The following OXCT1 variants were observed in gnomAD, a reference collection of about 807,000 sequenced individuals.
OXCT1 encodes succinyl-CoA:3-ketoacid coenzyme A transferase 1, mitochondrial.
In OXCT1, 27 loss-of-function variants were observed where a neutral mutation model predicts 69.6. That is an observed-to-expected ratio of 0.39 (90% CI 0.29 to 0.54). OXCT1 has a LOEUF of 0.54. Among genes scored for constraint, OXCT1 ranks in the 20% least tolerant of loss-of-function variants. OXCT1 has a pLI of 0.72. For missense variants in OXCT1, 437 were observed against 650.2 expected (o/e 0.67, Z 3.57); for synonymous variants, 202 against 217.8 (o/e 0.93, Z 0.64).
intron 11 of OXCT1, among the ~76,000 whole-genome samples, chr5:41,798,450 A>C (rs1239791297): frequency 6.6e-6 from 1 of 152,120 alleles, no homozygotes; most frequent in Admixed American, 6.6e-5. Flanking sequence ...GATGTTTATC[A>C]GCATCCCTGG....
intron 13 of OXCT1, among the ~76,000 whole-genome samples, chr5:41,791,961 C>T (rs1387421649): frequency 6.6e-6 from 1 of 152,132 alleles, no homozygotes; most frequent in Non-Finnish European, 1.5e-5. Flanking sequence ...TGCCACCACG[C>T]CCGGCTAATT....
intron 7 of OXCT1, among the ~76,000 whole-genome samples, chr5:41,814,307 T>C (rs1485927491): frequency 2.0e-5 from 3 of 152,122 alleles, no homozygotes; most frequent in Non-Finnish European, 4.4e-5. Context: ...TATCATAAAA[T>C]ACCTGGCCTA....
At chr5:41,759,793 T>C (rs908746342) in intron 14 of OXCT1, among the ~76,000 whole-genome samples, 2 of 152,024 alleles carry the variant, frequency 1.3e-5, no homozygotes, top group African/African-American at 4.8e-5. Context: ...GAAAACCAGT[T>C]AATAGCTCTA....
At chr5:41,767,844 C>T (rs1296713067) in intron 13 of OXCT1, among the ~76,000 whole-genome samples, 1 of 150,496 alleles carries the variant, frequency 6.6e-6, no homozygotes, top group Non-Finnish European at 1.5e-5. Flanking sequence ...CACTTAGGGG[C>T]TTCTATGGTC....
At chr5:41,825,434 A>G (rs1182364025) in intron 7 of OXCT1, among the ~76,000 whole-genome samples, 2 of 152,220 alleles carry the variant, frequency 1.3e-5, no homozygotes, top group Non-Finnish European at 2.9e-5. Context: ...TCCTAGTCTT[A>G]GGAACTGTTA....
intron 7 of OXCT1, among the ~76,000 whole-genome samples, chr5:41,830,567 A>C (rs1453708493): frequency 1.3e-5 from 2 of 152,336 alleles, no homozygotes; most frequent in East Asian, 3.9e-4. Context: ...AGTTCTTATA[A>C]ATATGCCTCC....
At chr5:41,808,265 C>T (rs1242519439) in intron 7 of OXCT1, among the ~76,000 whole-genome samples, 1 of 152,084 alleles carries the variant, frequency 6.6e-6, no homozygotes, top group Non-Finnish European at 1.5e-5. Context: ...CACAAACATA[C>T]ACACCTTTAA....
chr5:41,802,576 T>C (rs1246613597), intron 10 of OXCT1, among the ~76,000 whole-genome samples: 2 of 152,104 alleles, frequency 1.3e-5, no homozygotes, highest in Non-Finnish European at 2.9e-5. Context: ...GTCCCTGTCC[T>C]AAAGTAGAAA....
chr5:41,843,034 G>A (rs878890051), intron 5 of OXCT1, among the ~76,000 whole-genome samples: 1 of 152,176 alleles, frequency 6.6e-6, no homozygotes, highest in African/African-American at 2.4e-5. Context: ...TTGAGGAACT[G>A]AAAGTTCTAT....
At position 41,730,269 on chromosome 5, in the gene OXCT1, AG is replaced by A. The variant is rs1218196716; in HGVS notation, c.*1459del. ...ACTCTCATGGAACTTGCACATTCTA[AG>A]AAGGGTCATTTTTTCCCCCCAGTAC... On this transcript the variant is annotated 3_prime_UTR_variant, in exon 17 of 17. Transcript: ENST00000196371. 1.3e-5 allele frequency: 2 copies of A among 152,362 alleles called. No homozygotes were observed. Among genetic ancestry groups the A allele is most frequent in the African/African-American group, 4.8e-5 (2 of 41,592 alleles). 9.4% of individuals were successfully genotyped at this position (152,362 alleles called of 1,614,324 possible). A position where few individuals can be genotyped will look rare whatever the true frequency, so the allele number is the denominator to read the frequency against.
intron 10 of OXCT1, among the ~76,000 whole-genome samples, chr5:41,801,900 A>T (rs912625612): frequency 3.9e-5 from 6 of 152,148 alleles, no homozygotes; most frequent in African/African-American, 1.4e-4. Context: ...AATAAAAGGC[A>T]TACTATATAA....
intron 3 of OXCT1, among the ~76,000 whole-genome samples, chr5:41,856,601 C>A (rs1749440245): frequency 6.6e-6 from 1 of 152,132 alleles, no homozygotes; most frequent in Non-Finnish European, 1.5e-5. Flanking sequence ...ATGAACACTT[C>A]AAAGTGTCTA....
intron 16 of OXCT1, among the ~76,000 whole-genome samples, chr5:41,736,261 A>G (rs1205820226): frequency 6.6e-6 from 1 of 152,160 alleles, no homozygotes. Context: ...CCAGAAATAT[A>G]ATCAATATTT....
In OXCT1 at chr5:41,850,085, G is replaced by A; in HGVS notation, c.509C>T (p.Ser170Leu). ...GYGTLVQEGG[S>L]PIKYNKDGSV... Reference sequence around the variant, plus strand: ...GCCATCTTTGTTGTATTTGATGGGCGATCCTCCTTCTTGTACCAGGGTCCC... The same window carrying A: ...GCCATCTTTGTTGTATTTGATGGGCAATCCTCCTTCTTGTACCAGGGTCCC... The change falls in exon 5 of 17, where the codon TCG becomes TTG. Residue 170 changes from serine (S) to leucine (L), a missense_variant. This residue lies in a region of OXCT1 where 252 missense variants were observed against 397.4 expected (regional missense o/e 0.63). Coordinates refer to ENST00000196371, the MANE Select transcript of OXCT1 (RefSeq NM_000436.4). 8 of 1,613,940 alleles carry A rather than the reference G, an allele frequency of 5.0e-6. No individual in the cohort carries two copies. Among genetic ancestry groups the A allele is most frequent in the Non-Finnish European group, 6.8e-6 (8 of 1,179,906 alleles).
At chr5:41,856,877 G>T (rs1402450933) in intron 3 of OXCT1, among the ~76,000 whole-genome samples, 2 of 152,156 alleles carry the variant, frequency 1.3e-5, no homozygotes, top group Non-Finnish European at 2.9e-5. Context: ...TTCAAGGGCT[G>T]TCTTCCCATT....
chr5:41,790,123 C>T (rs1011266275), intron 13 of OXCT1, among the ~76,000 whole-genome samples: 1 of 152,194 alleles, frequency 6.6e-6, no homozygotes, highest in African/African-American at 2.4e-5. Flanking sequence ...TCAATCCTCT[C>T]CACATAGAGG....
intron 7 of OXCT1, among the ~76,000 whole-genome samples, chr5:41,832,726 C>T (rs1234927662): frequency 2.0e-5 from 3 of 152,076 alleles, no homozygotes; most frequent in Non-Finnish European, 4.4e-5. Flanking sequence ...AGACAGAATT[C>T]AAAACAGCTG....
At chr5:41,776,573 T>G (rs1415897441) in intron 13 of OXCT1, among the ~76,000 whole-genome samples, 6 of 152,230 alleles carry the variant, frequency 3.9e-5, no homozygotes, top group African/African-American at 1.4e-4. Context: ...AAAATCTGAC[T>G]CAGAAAACAA....
chr5:41,843,459 A>G (rs570490733), intron 5 of OXCT1: 8 of 440,256 alleles, frequency 1.8e-5, no homozygotes, highest in Non-Finnish European at 2.8e-5. Context: ...ATTTGCTCCT[A>G]TCTACTCTTC....
Sources: allele counts gnomAD v4.1 joint callset (sites outside exome capture counted in the v4.1 genomes callset), GRCh38; gene constraint gnomAD v4.1.1; regional missense constraint gnomAD v4.1.1; transcripts MANE v1.5; gene names NCBI Gene and HGNC (gene_info 2026-07-23, HGNC 2026-07-21).